TNS3: variants seen among roughly 807,000 people sequenced by gnomAD.
TNS3 encodes the protein tensin 3, also known as tensin-3.
A neutral mutation model predicts 140.9 loss-of-function variants in TNS3; 45 were observed. The observed-to-expected ratio is 0.32, with a 90% CI of 0.25 to 0.41. The LOEUF (loss-of-function observed/expected upper bound fraction) is 0.41, where lower values mean the gene tolerates loss of function less well. Ranked by LOEUF, TNS3 falls within the 10% of genes least tolerant of loss-of-function variation. TNS3 has a pLI of 1.00. For missense variants in TNS3, 1,716 were observed against 1,906.7 expected, an observed-to-expected ratio of 0.90 and a Z score of 1.86; for synonymous variants, 815 against 788.4, an observed-to-expected ratio of 1.03 and a Z score of -0.56.
At chr7:47,429,479 T>C (rs927190889) in intron 8 of TNS3, among the ~76,000 whole-genome samples, 1 of 152,156 alleles carries the variant, frequency 6.6e-6, no homozygotes, top group African/African-American at 2.4e-5. Flanking sequence ...GCCATTCTCC[T>C]GCCTCAGCCT....
chr7:47,291,108 T>C (rs1191839171), intron 27 of TNS3, among the ~76,000 whole-genome samples: 1 of 152,168 alleles, frequency 6.6e-6, no homozygotes, highest in Non-Finnish European at 1.5e-5. Context: ...GTTTCAACTA[T>C]ATGACAATAC....
chr7:47,341,958 C>G (rs2150979950), intron 20 of TNS3, among the ~76,000 whole-genome samples: 1 of 152,186 alleles, frequency 6.6e-6, no homozygotes, highest in Non-Finnish European at 1.5e-5. Flanking sequence ...CTCGAGACCT[C>G]TTCTTTGACC....
At chr7:47,310,424 C>T (rs1182208050) in intron 20 of TNS3, among the ~76,000 whole-genome samples, 1 of 152,070 alleles carries the variant, frequency 6.6e-6, no homozygotes, top group Non-Finnish European at 1.5e-5. Flanking sequence ...AACAAGAGGA[C>T]CATGACAGGA....
At chr7:47,372,387 T>G (rs1791126509) in intron 16 of TNS3, among the ~76,000 whole-genome samples, 1 of 152,190 alleles carries the variant, frequency 6.6e-6, no homozygotes, top group Non-Finnish European at 1.5e-5. Flanking sequence ...TAATGAGTTG[T>G]AAAACAATTC....
chr7:47,576,961 C>T (rs569364082), intron 1 of TNS3, among the ~76,000 whole-genome samples: 28 of 152,354 alleles, frequency 1.8e-4, no homozygotes, highest in African/African-American at 6.7e-4. Context: ...AGTATCGCCA[C>T]GAGTGTATTC....
At chr7:47,323,458 G>A (rs534506595) in intron 20 of TNS3, among the ~76,000 whole-genome samples, 2 of 152,326 alleles carry the variant, frequency 1.3e-5, no homozygotes, top group South Asian at 4.1e-4. Context: ...TGTCCCAGTA[G>A]GGAATGGCCA....
At chr7:47,475,538 G>C (rs957174689) in intron 4 of TNS3, among the ~76,000 whole-genome samples, 9 of 152,352 alleles carry the variant, frequency 5.9e-5, no homozygotes, top group East Asian at 5.8e-4. Context: ...TTCCCCGGGG[G>C]GGGGGCCAGG....
rs1043679509 is a variant in TNS3 at position 47,435,132 on chromosome 7, A to G, written c.324+150T>C. The G allele has an allele frequency of 2.1e-5, 21 of 1,021,156 alleles. No homozygotes were observed. The African/African-American group carries it at 3.3e-4, about 16-fold the overall frequency. The allele number at this position is 1,021,156 out of a possible 1,614,324, so 63.3% of individuals were successfully genotyped here. A position where few individuals can be genotyped will look rare whatever the true frequency, so the allele number is the denominator to read the frequency against. ...TGATAACTCTGTTTCCTTCTTTAAG[A>G]GCAAGTAGGAAAACCTAAAGACAAA... On this transcript the variant is annotated intron_variant, in intron 8 of 30. Transcript: ENST00000311160.
intron 4 of TNS3, among the ~76,000 whole-genome samples, chr7:47,465,143 A>C (rs1192881047): frequency 6.6e-6 from 1 of 152,242 alleles, no homozygotes; most frequent in Non-Finnish European, 1.5e-5. Context: ...TTATGAAGCA[A>C]GTGTTACTAT....
intron 2 of TNS3, among the ~76,000 whole-genome samples, chr7:47,523,366 G>A (rs539966002): frequency 1.3e-5 from 2 of 152,334 alleles, no homozygotes; most frequent in South Asian, 2.1e-4. Flanking sequence ...CAGGGCACAC[G>A]TGAGGCAGTT....
intron 4 of TNS3, among the ~76,000 whole-genome samples, chr7:47,450,862 C>T (rs908658625): frequency 1.3e-5 from 2 of 152,256 alleles, no homozygotes; most frequent in Non-Finnish European, 2.9e-5. Flanking sequence ...CTTGGCAGGG[C>T]ATGGTGGCTC....
In TNS3 at chr7:47,532,434, C is replaced by G. The variant is rs112194798; in HGVS notation, c.-264-3287G>C. The stretch of plus-strand genomic sequence containing the variant: ...GAGAGGACAGAGAGAATGGAGAGAC[C>G]ACAAGAGACCAGCTGCACAGAGGAG... On this transcript the variant is annotated intron_variant, in intron 1 of 30. Coordinates refer to ENST00000311160, the MANE Select transcript of TNS3 (RefSeq NM_022748.12). 3.9e-5 allele frequency among the ~76,000 whole-genome samples: 6 copies of G among 152,246 alleles called. 1 individual carries two copies. The highest frequency in any genetic ancestry group is 1.4e-4 in the African/African-American group (6 of 41,544).
At chr7:47,396,719 C>A (rs1179167688) in intron 16 of TNS3, 81 bp downstream of exon 16, 8 of 1,227,726 alleles carry the variant, frequency 6.5e-6, no homozygotes, top group Non-Finnish European at 8.4e-6. Context: ...TAGCAGACTG[C>A]AAAATACTTC....
At chr7:47,348,909 A>G (rs1484255356) in intron 17 of TNS3, among the ~76,000 whole-genome samples, 1 of 152,238 alleles carries the variant, frequency 6.6e-6, no homozygotes, top group Non-Finnish European at 1.5e-5. Context: ...TTCCAGGACT[A>G]AAACATAAGT....
At chr7:47,480,445 T>G (rs1797373476) in intron 4 of TNS3, among the ~76,000 whole-genome samples, 1 of 152,176 alleles carries the variant, frequency 6.6e-6, no homozygotes, top group African/African-American at 2.4e-5. Flanking sequence ...CCTACTGTCT[T>G]GGCACAGTGA....
chr7:47,582,332 C>T (rs1407885157), upstream of TNS3: 3 of 426,238 alleles, frequency 7.0e-6, no homozygotes, highest in East Asian at 2.2e-4. Flanking sequence ...CTTCGCTGGC[C>T]GCAGAGAGGA....
intron 1 of TNS3, among the ~76,000 whole-genome samples, chr7:47,544,959 G>A (rs1018846927): frequency 6.6e-6 from 1 of 151,784 alleles, no homozygotes; most frequent in African/African-American, 2.4e-5. Context: ...TTAGTTGTAC[G>A]AAAAGCCTGG....
intron 16 of TNS3, among the ~76,000 whole-genome samples, chr7:47,393,974 G>A (rs1055113464): frequency 4.0e-5 from 6 of 151,826 alleles, no homozygotes; most frequent in East Asian, 1.9e-4. Flanking sequence ...ACAGAGTCCC[G>A]AGTGCATGCC....
intron 2 of TNS3, among the ~76,000 whole-genome samples, chr7:47,511,151 C>T (rs996252725): frequency 2.0e-5 from 3 of 152,194 alleles, no homozygotes; most frequent in African/African-American, 4.8e-5. Context: ...ATTTCAGATT[C>T]CACAGTGAAA....
Sources: gnomAD v4.1 joint callset for allele counts (sites outside exome capture counted in the v4.1 genomes callset) on GRCh38, gnomAD v4.1.1 for gene constraint, MANE v1.5 for transcripts, NCBI Gene and HGNC (gene_info 2026-07-23, HGNC 2026-07-21) for gene names.